Variants in COPG2 observed in about 807,000 individuals in gnomAD.
The protein encoded by COPG2 is coat protein complex I subunit gamma 2.
Under a neutral mutation model 46.3 loss-of-function variants are expected in COPG2, and 37 were observed. The observed-to-expected ratio is 0.80, with a 90% CI of 0.61 to 1.05. The LOEUF is 1.05. Ranked by LOEUF, COPG2 falls within the 50% of genes least tolerant of loss-of-function variation. COPG2 has a pLI of 0.00. For missense variants in COPG2, 427 were observed against 387.8 expected, an observed-to-expected ratio of 1.10 and a Z score of -0.85; for synonymous variants, 159 against 129.7, an observed-to-expected ratio of 1.23 and a Z score of -1.53.
intron 20 of COPG2, among the ~76,000 whole-genome samples, chr7:130,516,652 G>C (rs1361914542): frequency 6.6e-6 from 1 of 152,156 alleles, no homozygotes; most frequent in Non-Finnish European, 1.5e-5. Flanking sequence ...AGATATGGAA[G>C]GGCATTAAAG....
At chr7:130,513,883 A>T (rs1393432943) in intron 20 of COPG2, among the ~76,000 whole-genome samples, 3 of 152,202 alleles carry the variant, frequency 2.0e-5, no homozygotes, top group Non-Finnish European at 4.4e-5. Flanking sequence ...GAAGAGACGG[A>T]GTCATTTGAA....
chr7:130,523,510 C>A (rs1401118332), intron 20 of COPG2, among the ~76,000 whole-genome samples: 1 of 152,106 alleles, frequency 6.6e-6, no homozygotes, highest in Non-Finnish European at 1.5e-5. Flanking sequence ...GGAAGACGCA[C>A]GTGCAGTGGG....
intron 6 of COPG2, among the ~76,000 whole-genome samples, chr7:130,615,880 G>A (rs1554452767): frequency 6.6e-6 from 1 of 152,352 alleles, no homozygotes. Flanking sequence ...GTTGTGGACT[G>A]TACTGTGGTG....
At chr7:130,544,923 A>G (rs1793414070) in intron 20 of COPG2, among the ~76,000 whole-genome samples, 1 of 152,284 alleles carries the variant, frequency 6.6e-6, no homozygotes, top group East Asian at 1.9e-4. Context: ...GTTGGGTTAA[A>G]GCAAATTTTT....
intron 20 of COPG2, among the ~76,000 whole-genome samples, chr7:130,541,442 G>T (rs1023740001): frequency 4.1e-4 from 62 of 152,048 alleles, no homozygotes; most frequent in Non-Finnish European, 5.7e-4. Flanking sequence ...GGGACTGACA[G>T]CAGCACCCAG....
At chr7:130,621,243 C>G (rs541194115) in intron 5 of COPG2, among the ~76,000 whole-genome samples, 11 of 152,342 alleles carry the variant, frequency 7.2e-5, no homozygotes, top group Non-Finnish European at 1.5e-4. Context: ...CTTCTGACAT[C>G]AAACCGGTGA....
chr7:130,613,259 A>G (rs537701357), intron 7 of COPG2, among the ~76,000 whole-genome samples: 1 of 152,072 alleles, frequency 6.6e-6, no homozygotes, highest in South Asian at 2.1e-4. Flanking sequence ...TGAGAATCTC[A>G]CACTGCTGCT....
chr7:130,553,573 G>A (rs1224251176), intron 14 of COPG2, among the ~76,000 whole-genome samples: 3 of 152,166 alleles, frequency 2.0e-5, no homozygotes, highest in Non-Finnish European at 4.4e-5. Context: ...ATGAATGTGA[G>A]GTTAGTTTGA....
intron 9 of COPG2, among the ~76,000 whole-genome samples, chr7:130,586,567 A>C (rs1356440445): frequency 6.6e-6 from 1 of 151,624 alleles, no homozygotes; most frequent in Non-Finnish European, 1.5e-5. Flanking sequence ...GGTTCATGCC[A>C]CTCTCCTGCC....
intron 5 of COPG2, among the ~76,000 whole-genome samples, chr7:130,647,278 C>T (rs565490263): frequency 9.9e-5 from 15 of 152,138 alleles, no homozygotes; most frequent in African/African-American, 2.7e-4. Context: ...TAAAGTGATC[C>T]GCCCCACCTC....
At chr7:130,584,487 G>T (rs1243589013) in intron 9 of COPG2, among the ~76,000 whole-genome samples, 1 of 151,906 alleles carries the variant, frequency 6.6e-6, no homozygotes, top group African/African-American at 2.4e-5. Flanking sequence ...AGAAATAAAG[G>T]GCATCCAAAT....
chr7:130,594,932 G>A (rs1794499153), intron 9 of COPG2, among the ~76,000 whole-genome samples: 1 of 152,158 alleles, frequency 6.6e-6, no homozygotes, highest in Non-Finnish European at 1.5e-5. Context: ...AAATGGTGCA[G>A]CCCCCTTGGA....
chr7:130,608,204 C>T (rs1333560601), intron 9 of COPG2: 1 of 466,558 alleles, frequency 2.1e-6, no homozygotes, highest in East Asian at 6.1e-5. Flanking sequence ...AAATAATATA[C>T]TACTGCATGA....
At chr7:130,657,613 G>A (rs1795882405) in intron 4 of COPG2, among the ~76,000 whole-genome samples, 1 of 152,060 alleles carries the variant, frequency 6.6e-6, no homozygotes, top group Non-Finnish European at 1.5e-5. Context: ...TATACTGAGA[G>A]ACAATAATTG....
intron 5 of COPG2, among the ~76,000 whole-genome samples, chr7:130,621,286 TA>T (rs1795034971): frequency 6.6e-6 from 1 of 152,244 alleles, no homozygotes; most frequent in African/African-American, 2.4e-5. Flanking sequence ...TCCAGAACTG[TA>T]AAAGAATTTG....
At chr7:130,604,864 C>T (rs926987456) in intron 9 of COPG2, 15 of 408,362 alleles carry the variant, frequency 3.7e-5, no homozygotes, top group Non-Finnish European at 6.6e-5. Context: ...GCAGAGATTT[C>T]AATCATGAAT....
chr7:130,519,569 GT>G (rs1436516095), intron 20 of COPG2, among the ~76,000 whole-genome samples: 1 of 152,162 alleles, frequency 6.6e-6, no homozygotes, highest in Non-Finnish European at 1.5e-5. Context: ...AATGTAAGGA[GT>G]TTGCAGCCAA....
At chr7:130,546,853 TC>T (rs1793452112) in intron 20 of COPG2, 1 of 152,356 alleles carries the variant, frequency 6.6e-6, no homozygotes, top group African/African-American at 2.4e-5. Context: ...TTTTTTAACT[TC>T]TGTTTCTCCT....
chr7:130,528,452 G>C (rs985678505), intron 20 of COPG2, among the ~76,000 whole-genome samples: 2,475 of 152,084 alleles, frequency 0.016, 66 homozygotes, highest in African/African-American at 0.057. Context: ...AGTGCAGTAC[G>C]TGTGATGCAG....
Sources: gnomAD v4.1 joint callset for allele counts (sites outside exome capture counted in the v4.1 genomes callset) on GRCh38, gnomAD v4.1.1 for gene constraint, MANE v1.5 for transcripts, NCBI Gene and HGNC (gene_info 2026-07-23, HGNC 2026-07-21) for gene names.